SAMD12: variants seen among roughly 807,000 people sequenced by gnomAD.
SAMD12 encodes sterile alpha motif domain-containing protein 12.
A neutral mutation model predicts 15.0 loss-of-function variants in SAMD12; 9 were observed. The observed-to-expected ratio is 0.60, with a 90% CI of 0.36 to 1.05. The LOEUF is 1.05. Ranked by LOEUF, SAMD12 falls within the 50% of genes least tolerant of loss-of-function variation. SAMD12 has a pLI of 0.01. For synonymous variants in SAMD12, 86 were observed against 90.1 expected (o/e 0.96, Z 0.25); for missense variants, 230 against 234.2 (o/e 0.98, Z 0.12).
chr8:118,320,672 T>TGGGGGGGGGGGG (rs71569763), intron 4 of SAMD12, among the ~76,000 whole-genome samples: 22 of 85,056 alleles, frequency 2.6e-4, no homozygotes, highest in Admixed American at 6.9e-4. Flanking sequence ...TGTCGTGGGG[T>TGGGGGGGGGGGG]GGGGGGGGTG....
intron 1 of SAMD12, among the ~76,000 whole-genome samples, chr8:118,593,724 T>C (rs1434883045): frequency 6.6e-6 from 1 of 152,188 alleles, no homozygotes; most frequent in Non-Finnish European, 1.5e-5. Flanking sequence ...TAAATGTTAG[T>C]TTTAAAAAGA....
intron 3 of SAMD12, among the ~76,000 whole-genome samples, chr8:118,428,202 G>T (rs1822291626): frequency 6.6e-6 from 1 of 151,984 alleles, no homozygotes. Context: ...CTTTCTTCTT[G>T]TCTCTGGCTT....
intron 2 of SAMD12, among the ~76,000 whole-genome samples, chr8:118,504,261 C>A (rs956874662): frequency 1.3e-5 from 2 of 152,180 alleles, no homozygotes; most frequent in African/African-American, 4.8e-5. Context: ...CTCTCCTAGA[C>A]CAGGCATCAT....
intron 4 of SAMD12, among the ~76,000 whole-genome samples, chr8:118,345,575 A>G (rs1275616966): frequency 1.3e-5 from 2 of 152,250 alleles, no homozygotes; most frequent in Non-Finnish European, 2.9e-5. Context: ...GAAGAAAGAC[A>G]TAAATGAAGG....
intron 4 of SAMD12, among the ~76,000 whole-genome samples, chr8:118,325,190 G>A (rs1370089266): frequency 2.0e-5 from 3 of 152,176 alleles, no homozygotes; most frequent in Admixed American, 2.0e-4. Flanking sequence ...GCAGAGATGT[G>A]GCAATGGAAC....
chr8:118,359,999 C>A (rs375409838), intron 4 of SAMD12, among the ~76,000 whole-genome samples: 19 of 152,228 alleles, frequency 1.2e-4, no homozygotes, highest in African/African-American at 4.6e-4. Flanking sequence ...GAATACTCTA[C>A]GAGCTGACCT....
chr8:118,307,657 A>C (rs1045348002), intron 4 of SAMD12, among the ~76,000 whole-genome samples: 3 of 152,230 alleles, frequency 2.0e-5, no homozygotes, highest in Non-Finnish European at 1.5e-5. Flanking sequence ...CCTGAGGCTC[A>C]GAGAAATTAA....
intron 4 of SAMD12, among the ~76,000 whole-genome samples, chr8:118,247,976 C>G (rs1812735683): frequency 6.6e-6 from 1 of 152,092 alleles, no homozygotes; most frequent in Non-Finnish European, 1.5e-5. Flanking sequence ...CATGCTCAGT[C>G]ACTATGCCAA....
At chr8:118,209,068 T>C (rs751783370) in intron 4 of SAMD12, among the ~76,000 whole-genome samples, 2 of 152,210 alleles carry the variant, frequency 1.3e-5, no homozygotes, top group Non-Finnish European at 1.5e-5. Context: ...CAAGAAATCT[T>C]ATGAGAAATA....
chr8:118,596,920 G>A (rs1033077508), intron 1 of SAMD12, among the ~76,000 whole-genome samples: 34 of 152,210 alleles, frequency 2.2e-4, no homozygotes, highest in African/African-American at 8.0e-4. Context: ...GTGTGGTGAG[G>A]AGAGTGTTTG....
chr8:118,220,622 A>C (rs553867110), intron 4 of SAMD12, among the ~76,000 whole-genome samples: 1 of 152,302 alleles, frequency 6.6e-6, no homozygotes, highest in South Asian at 2.1e-4. Flanking sequence ...ATTTCTTGTT[A>C]CAAACCCTAG....
intron 4 of SAMD12, among the ~76,000 whole-genome samples, chr8:118,340,160 A>G (rs1817279200): frequency 6.6e-6 from 1 of 152,224 alleles, no homozygotes; most frequent in African/African-American, 2.4e-5. Context: ...TTGCCATGGA[A>G]TAAATTTCTA....
At chr8:118,423,719 C>T (rs2130852632) in intron 3 of SAMD12, among the ~76,000 whole-genome samples, 1 of 152,218 alleles carries the variant, frequency 6.6e-6, no homozygotes, top group South Asian at 2.1e-4. Context: ...GTTTTTGCCA[C>T]CTCTGGGCTT....
intron 2 of SAMD12, among the ~76,000 whole-genome samples, chr8:118,498,472 A>G (rs1212610502): frequency 1.3e-5 from 2 of 152,382 alleles, no homozygotes; most frequent in East Asian, 1.9e-4. Context: ...AGCTCCAGGC[A>G]TATCACCAAA....
chr8:118,545,904 G>A (rs1169048937), intron 2 of SAMD12, among the ~76,000 whole-genome samples: 3 of 152,142 alleles, frequency 2.0e-5, no homozygotes, highest in East Asian at 1.9e-4. Flanking sequence ...GTGAGAGACC[G>A]AGCTGATTGT....
At chr8:118,585,014 G>C (rs1301824838) in intron 1 of SAMD12, among the ~76,000 whole-genome samples, 1 of 151,772 alleles carries the variant, frequency 6.6e-6, no homozygotes, top group East Asian at 1.9e-4. Context: ...CATGTACATA[G>C]CAGCATTATT....
intron 4 of SAMD12, chr8:118,288,228 C>T (rs1381167547): frequency 1.3e-5 from 2 of 152,048 alleles, no homozygotes; most frequent in Non-Finnish European, 2.9e-5. Flanking sequence ...TTTATTATCC[C>T]CATTTTACAG....
At chr8:118,395,851 G>C (rs1017234326) in intron 3 of SAMD12, among the ~76,000 whole-genome samples, 8 of 151,610 alleles carry the variant, frequency 5.3e-5, no homozygotes, top group Non-Finnish European at 7.4e-5. Context: ...CCAGCTACTC[G>C]GGAGGCTGAG....
chr8:118,221,650 T>A (rs896068714), intron 4 of SAMD12, among the ~76,000 whole-genome samples: 2 of 152,144 alleles, frequency 1.3e-5, no homozygotes, highest in African/African-American at 4.8e-5. Flanking sequence ...GAGACAGGTA[T>A]ACCAGGCTAA....
Sources: gnomAD v4.1 joint callset for allele counts (sites outside exome capture counted in the v4.1 genomes callset) on GRCh38, gnomAD v4.1.1 for gene constraint, MANE v1.5 for transcripts, NCBI Gene and HGNC (gene_info 2026-07-23, HGNC 2026-07-21) for gene names.